SPDL1: variants seen among roughly 807,000 people sequenced by gnomAD.
The protein encoded by SPDL1 is spindle apparatus coiled-coil protein 1.
SPDL1 carries 85 observed loss-of-function variants against 79.5 expected under a neutral mutation model. The ratio of observed to expected loss-of-function variants is 1.07; its 90% CI spans 0.90 to 1.28. SPDL1 has a LOEUF of 1.28. Ranked by LOEUF, SPDL1 falls within the 50% of genes most tolerant of loss-of-function variation. The pLI, the probability that SPDL1 is intolerant of heterozygous loss-of-function variation, is 0.00. For synonymous variants in SPDL1, 269 were observed against 240.3 expected (o/e 1.12, Z -1.10); for missense variants, 703 against 697.8 (o/e 1.01, Z -0.08).
intron 1 of SPDL1, chr5:169,586,314 C>T (rs1396256676): frequency 6.6e-6 from 1 of 152,348 alleles, no homozygotes; most frequent in African/African-American, 2.4e-5. Context: ...ACTCCCACCT[C>T]CTTAATACAC....
At chr5:169,584,335 C>A (rs1188522995) in intron 1 of SPDL1, among the ~76,000 whole-genome samples, 1 of 152,050 alleles carries the variant, frequency 6.6e-6, no homozygotes, top group Admixed American at 6.6e-5. Flanking sequence ...AATTTTTCAT[C>A]TTTGTTTACT....
rs142463039 is a variant in SPDL1 at position 169,601,331 on chromosome 5, A to G, written c.1376A>G (p.Asp459Gly). The stretch of plus-strand genomic sequence containing the variant: ...AAGAGGCGTGAGGTGCTCCCTGTGG[A>G]TATAACCACCGCTAAAGATGCATGT... The part of the protein sequence containing the change: ...LKKRREVLPV[D>G]ITTAKDACVN... The change falls in exon 11 of 12, where the codon GAT (aspartate) becomes GGT (glycine). Residue 459 changes from aspartate to glycine, a missense_variant. Transcript: ENST00000265295. 6.2e-7 allele frequency: 1 copy of G among 1,613,574 alleles called. No homozygotes were observed. Among genetic ancestry groups the G allele is most frequent in the African/African-American group, 1.3e-5 (1 of 74,742 alleles).
At chr5:169,585,630 TACA>T (rs1429351849) in intron 1 of SPDL1, among the ~76,000 whole-genome samples, 2 of 152,224 alleles carry the variant, frequency 1.3e-5, no homozygotes, top group Non-Finnish European at 2.9e-5. Flanking sequence ...TTGTGAACAG[TACA>T]ACATTTAGTT....
At chr5:169,598,925 T>G (rs1755736597) in intron 9 of SPDL1, 47 bp from the exon 10 acceptor site, 1 of 1,497,872 alleles carries the variant, frequency 6.7e-7, no homozygotes, top group African/African-American at 1.4e-5. Flanking sequence ...CTACACTTAT[T>G]ATATGCTGTC....
rs56336716 is a variant in SPDL1 at position 169,597,232 on chromosome 5, TTGTGTGTGTGTG to T, written c.1032+555_1032+566del. On this transcript the variant is annotated intron_variant, in intron 8 of 11. Coordinates refer to ENST00000265295, the MANE Select transcript of SPDL1 (RefSeq NM_017785.5). ...TTGAGAATGGTATTTGTGTAAGCAT[TTGTGTGTGTGTG>T]TGTGTGTGTGTGTGTGTGTGTGTAA... 8.0e-4 allele frequency among the ~76,000 whole-genome samples: 120 copies of T among 149,304 alleles called. 1 individual carries two copies. Among genetic ancestry groups the T allele is most frequent in the Middle Eastern group, 3.5e-3 (1 of 288 alleles).
Position 169,601,905 on chromosome 5 carries a change from T to A in SPDL1, c.1670+280T>A, listed in dbSNP as rs1009801679. ...CAGTTTAACACATCTCTGAATGTTT[T>A]ATCAGTTTGAATACATGTACTGTTA... On this transcript the variant is annotated intron_variant, in intron 11 of 11. Coordinates refer to ENST00000265295, the MANE Select transcript of SPDL1 (RefSeq NM_017785.5). 23 of 478,744 alleles carry A rather than the reference T, an allele frequency of 4.8e-5. No individual in the cohort carries two copies. In the Admixed American group the frequency reaches 4.9e-4, roughly 10 times the overall value. The allele number at this position is 478,744 out of a possible 1,614,324, so 29.7% of individuals were successfully genotyped here.
At chr5:169,598,731 A>G (rs1755729135) in intron 9 of SPDL1, 152 bp downstream of exon 9, 3 of 910,476 alleles carry the variant, frequency 3.3e-6, no homozygotes, top group Non-Finnish European at 5.2e-6. Flanking sequence ...TCATGTGTGA[A>G]TACATTTGAA....
At chr5:169,587,745 CATT>C (rs1755060400) in intron 1 of SPDL1, among the ~76,000 whole-genome samples, 1 of 152,012 alleles carries the variant, frequency 6.6e-6, no homozygotes, top group African/African-American at 2.4e-5. Context: ...TTGTTATTAT[CATT>C]ATTATTTCTC....
chr5:169,598,878 A>G, intron 9 of SPDL1, 94 bp from the exon 10 acceptor site: 3 of 1,429,530 alleles, frequency 2.1e-6, no homozygotes, highest in Non-Finnish European at 2.8e-6. Flanking sequence ...TGTATTTTTA[A>G]CTAAGAATTC....
At chr5:169,586,053 A>G (rs915862235) in intron 1 of SPDL1, 1 of 152,150 alleles carries the variant, frequency 6.6e-6, no homozygotes, top group Non-Finnish European at 1.5e-5. Flanking sequence ...TTCCATCTTA[A>G]AAATAAAAAA....
chr5:169,597,521 T>C (rs1465993872), intron 8 of SPDL1, among the ~76,000 whole-genome samples: 1 of 152,172 alleles, frequency 6.6e-6, no homozygotes, highest in Non-Finnish European at 1.5e-5. Context: ...CACTATACTT[T>C]TTATTTTTCA....
intron 11 of SPDL1, among the ~76,000 whole-genome samples, 171 bp from the exon 12 acceptor site, chr5:169,603,889 T>G (rs185186806): frequency 6.6e-6 from 1 of 152,164 alleles, no homozygotes; most frequent in Admixed American, 6.5e-5. Context: ...CCTATTGATA[T>G]AAAAAGACTT....
In SPDL1 at chr5:169,599,113, A is replaced by C; in HGVS notation, c.1278A>C (p.Lys426Asn). 6.3e-7 allele frequency: 1 copy of C among 1,592,490 alleles called. No homozygotes were observed. Among genetic ancestry groups the C allele is most frequent in the Non-Finnish European group, 8.6e-7 (1 of 1,164,556 alleles). The change falls in exon 10 of 12, where the codon AAA becomes AAC. Residue 426 changes from lysine (K) to asparagine (N), a missense_variant. Physicochemically the swap from Lys to Asn is moderately conservative, Grantham distance 94 (BLOSUM62 0). Coordinates refer to ENST00000265295, the MANE Select transcript of SPDL1 (RefSeq NM_017785.5). ...CLQLSESENM[K>N]LRAKLDELKL... Reference sequence around the variant, plus strand: ...AGCTTTCAGAAAGTGAAAATATGAAACTGAGAGCTAAACTAGATGAATTGA... The same window carrying C: ...AGCTTTCAGAAAGTGAAAATATGAACCTGAGAGCTAAACTAGATGAATTGA...
intron 1 of SPDL1, among the ~76,000 whole-genome samples, chr5:169,586,695 A>G (rs748480484): frequency 6.6e-6 from 1 of 152,186 alleles, no homozygotes; most frequent in Non-Finnish European, 1.5e-5. Context: ...CCCAAATTAT[A>G]TCTTTCAGAA....
Position 169,604,301 on chromosome 5 carries a change from T to A in SPDL1, c.*94T>A. 8.1e-7 allele frequency: 1 copy of A among 1,239,974 alleles called. No homozygotes were observed. The highest frequency in any genetic ancestry group is 1.1e-6 in the Non-Finnish European group (1 of 928,692). 76.8% of individuals were successfully genotyped at this position (1,239,974 alleles called of 1,614,324 possible). ...GATCTGACATATATCACCTTCTGGG[T>A]TATTTACTCATTGTGCCAGGACCTG... On this transcript the variant is annotated 3_prime_UTR_variant, in exon 12 of 12. Transcript: ENST00000265295.
At chr5:169,597,320 G>A (rs570981312) in intron 8 of SPDL1, among the ~76,000 whole-genome samples, 22 of 151,772 alleles carry the variant, frequency 1.4e-4, no homozygotes, top group South Asian at 8.3e-4. Flanking sequence ...AGAGTCATTT[G>A]TTAAAAAATC....
intron 11 of SPDL1, among the ~76,000 whole-genome samples, chr5:169,602,392 G>A (rs894933788): frequency 6.6e-6 from 1 of 152,184 alleles, no homozygotes; most frequent in Non-Finnish European, 1.5e-5. Context: ...AAGGATGTCT[G>A]CATGCAATGG....
At chr5:169,598,374 C>A (rs1755701560) in intron 8 of SPDL1, 102 bp from the exon 9 acceptor site, 1 of 735,948 alleles carries the variant, frequency 1.4e-6, no homozygotes, top group Non-Finnish European at 2.4e-6. Context: ...CGTAGTACGC[C>A]AAGGGATATA....
Position 169,599,000 on chromosome 5 carries a change from T to C in SPDL1, c.1165T>C (p.Leu389=), listed in dbSNP as rs1755742197. 1 of 1,556,948 alleles carries C rather than the reference T, an allele frequency of 6.4e-7. No individual in the cohort carries two copies. Among genetic ancestry groups the C allele is most frequent in the African/African-American group, 1.4e-5 (1 of 72,614 alleles). The stretch of plus-strand genomic sequence containing the variant: ...AGAAATTGAAAGCACTAAAGGTGAA[T>C]TGTCCATACAGCGAATGAAAGCATT... The part of the protein sequence containing the change: ...NKEIESTKGE[L]SIQRMKALFE... Residue 389 remains leucine (L), a synonymous_variant, in exon 10 of 12, where the codon TTG becomes CTG. Transcript: ENST00000265295.
Sources: allele counts gnomAD v4.1 joint callset (sites outside exome capture counted in the v4.1 genomes callset), GRCh38; gene constraint gnomAD v4.1.1; transcripts MANE v1.5; gene names NCBI Gene and HGNC (gene_info 2026-07-23, HGNC 2026-07-21).